ABL1: variants seen among roughly 807,000 people sequenced by gnomAD.
The protein encoded by ABL1 is ABL proto-oncogene 1, non-receptor tyrosine kinase.
In ABL1, 11 loss-of-function variants were observed where a neutral mutation model predicts 94.7. That is an observed-to-expected ratio of 0.12 (90% CI 0.07 to 0.19). ABL1 has a LOEUF of 0.19. Among genes scored for constraint, ABL1 ranks in the 10% least tolerant of loss-of-function variants. The probability of loss-of-function intolerance (pLI) is 1.00; values close to 1 mark genes in which losing one functional copy is unlikely to be tolerated. For missense variants in ABL1, 1,082 were observed against 1,489.4 expected (o/e 0.73, Z 4.50); for synonymous variants, 656 against 622.4 (o/e 1.05, Z -0.80).
chr9:130,830,404 G>C (rs1267005829), upstream of ABL1, among the ~76,000 whole-genome samples: 1 of 152,132 alleles, frequency 6.6e-6, no homozygotes, highest in African/African-American at 2.4e-5. Context: ...AAGATGCGGG[G>C]GTGTGGGGTT....
chr9:130,820,722 G>T (rs551736908), intron 1 of ABL1, among the ~76,000 whole-genome samples: 1 of 152,216 alleles, frequency 6.6e-6, no homozygotes, highest in South Asian at 2.1e-4. Context: ...CCCTCACTGG[G>T]TGCATTTCTA....
chr9:130,879,007 A>C (rs1176295134), intron 8 of ABL1, among the ~76,000 whole-genome samples: 1 of 151,512 alleles, frequency 6.6e-6, no homozygotes, highest in East Asian at 1.9e-4. Context: ...CCTCCCAAGT[A>C]GCTGGGATTA....
chr9:130,724,228 C>A (rs551886619), intron 1 of ABL1, among the ~76,000 whole-genome samples: 1 of 152,246 alleles, frequency 6.6e-6, no homozygotes, highest in Admixed American at 6.5e-5. Context: ...CTTGTGAATG[C>A]AGGTTTCATC....
chr9:130,771,964 G>T (rs964949148), intron 1 of ABL1, among the ~76,000 whole-genome samples: 11 of 152,068 alleles, frequency 7.2e-5, no homozygotes, highest in African/African-American at 2.7e-4. Flanking sequence ...ATGTTGACCA[G>T]GCTGGTCTCA....
Position 130,854,222 on chromosome 9 carries a change from C to T in ABL1, c.238C>T (p.Leu80=), listed in dbSNP as rs1830936418. ...TTTTGTGGCCAGTGGAGATAACACT[C>T]TAAGCATAACTAAAGGTAAAAGGGT... is the stretch of plus-strand genomic sequence containing the variant. ...YDFVASGDNT[L]SITKGEKLRV... Residue 80 remains leucine, a synonymous_variant, in exon 2 of 11, where the codon CTA becomes TTA. Coordinates refer to ENST00000318560, the MANE Select transcript of ABL1 (RefSeq NM_005157.6). 6.2e-7 allele frequency: 1 copy of T among 1,613,728 alleles called. No homozygotes were observed. The highest frequency in any genetic ancestry group is 1.7e-5 in the Admixed American group (1 of 59,902).
Position 130,820,973 on chromosome 9 carries a change from A to G in ABL1, c.137-33091A>G, listed in dbSNP as rs372207711. 1.6e-4 allele frequency among the ~76,000 whole-genome samples: 24 copies of G among 151,932 alleles called. No individual in the cohort carries two copies. The South Asian group carries it at 4.8e-3, about 30-fold the overall frequency. On this transcript the variant is annotated intron_variant, in intron 1 of 10. Transcript: ENST00000372348. Reference sequence around the variant, plus strand: ...GAGACAGAGTCTCACTCTGTCACTCAAGCTGGAGTGCAGTGGTGCAATCTC... The same window carrying G: ...GAGACAGAGTCTCACTCTGTCACTCGAGCTGGAGTGCAGTGGTGCAATCTC...
intron 4 of ABL1, among the ~76,000 whole-genome samples, chr9:130,868,444 C>T (rs1161360095): frequency 6.6e-6 from 1 of 152,062 alleles, no homozygotes. Flanking sequence ...GGGAGGGGGT[C>T]CCTGCTGAGA....
intron 1 of ABL1, among the ~76,000 whole-genome samples, chr9:130,847,949 A>T (rs892832059): frequency 6.6e-6 from 1 of 152,190 alleles, no homozygotes; most frequent in Admixed American, 6.5e-5. Context: ...TTTCCAGGCC[A>T]CTTCCCCGAT....
rs35889369 is a variant in ABL1, at chr9:130,880,843, A to G, written c.1678+179A>G. Among the ~76,000 whole-genome samples the G allele has an allele frequency of 4.0e-3, 604 of 152,322 alleles. 7 individuals carry two copies. Among genetic ancestry groups the G allele is most frequent in the African/African-American group, 0.014 (586 of 41,570 alleles). On this transcript the variant is annotated intron_variant, in intron 10 of 10. Transcript: ENST00000318560. This position sits in a 1 kb window ranked among gnomAD's most constrained non-coding sequence, Gnocchi z 4.4. Reference sequence around the variant, plus strand: ...GTTCTCCTCTCCCCACCTGCCTCCTATCCCCTCCCTCTGAGAGTCCCCGAG... The same window carrying G: ...GTTCTCCTCTCCCCACCTGCCTCCTGTCCCCTCCCTCTGAGAGTCCCCGAG...
intron 1 of ABL1, among the ~76,000 whole-genome samples, chr9:130,739,465 ATTAT>A (rs1339630216): frequency 5.3e-5 from 8 of 151,984 alleles, no homozygotes; most frequent in South Asian, 2.1e-4. Flanking sequence ...TTTAAGCTTT[ATTAT>A]TTATTATAAA....
intron 1 of ABL1, among the ~76,000 whole-genome samples, chr9:130,776,972 G>A (rs1472921529): frequency 3.9e-5 from 6 of 151,922 alleles, no homozygotes; most frequent in Non-Finnish European, 7.4e-5. Flanking sequence ...CTTTCCTTGA[G>A]TATTTTTCAC....
chr9:130,798,585 G>C (rs1006017491), intron 1 of ABL1, among the ~76,000 whole-genome samples: 17 of 152,124 alleles, frequency 1.1e-4, no homozygotes, highest in African/African-American at 4.1e-4. Context: ...TAAAGCACCT[G>C]TACCTTAGTA....
At chr9:130,722,761 G>T (rs1482850965) in intron 1 of ABL1, among the ~76,000 whole-genome samples, 1 of 152,120 alleles carries the variant, frequency 6.6e-6, no homozygotes, top group African/African-American at 2.4e-5. Context: ...TAAGAAATTT[G>T]TAATATAGAA....
At position 130,823,557 on chromosome 9, in the gene ABL1, T is replaced by G. The variant is rs574443667; in HGVS notation, c.137-30507T>G. Among the ~76,000 whole-genome samples the G allele has an allele frequency of 3.3e-5, 5 of 152,216 alleles. No homozygotes were observed. The East Asian group carries it at 9.7e-4, about 29-fold the overall frequency. ...GGGTCAGACACCTCCTGTCCCTTAC[T>G]CTGTAAGGCACAGCTTCTACCTCAG... On this transcript the variant is annotated intron_variant, in intron 1 of 10. Transcript: ENST00000372348.
chr9:130,773,344 T>C, intron 1 of ABL1, among the ~76,000 whole-genome samples: 1 of 152,102 alleles, frequency 6.6e-6, no homozygotes, highest in East Asian at 1.9e-4. Context: ...ATTTAAAAAA[T>C]AAATAAAAAA....
At chr9:130,760,642 G>A (rs1832099281) in intron 1 of ABL1, among the ~76,000 whole-genome samples, 1 of 151,896 alleles carries the variant, frequency 6.6e-6, no homozygotes, top group East Asian at 1.9e-4. Flanking sequence ...AAACTTTTTG[G>A]GAGACTAGAT....
intron 1 of ABL1, among the ~76,000 whole-genome samples, chr9:130,789,717 G>A (rs1160264957): frequency 2.6e-5 from 4 of 152,088 alleles, no homozygotes; most frequent in Non-Finnish European, 5.9e-5. Flanking sequence ...AAAACAACCA[G>A]GCAGTTTTAT....
At chr9:130,786,105 T>C (rs1355930600) in intron 1 of ABL1, among the ~76,000 whole-genome samples, 1 of 152,086 alleles carries the variant, frequency 6.6e-6, no homozygotes, top group Non-Finnish European at 1.5e-5. Flanking sequence ...GGAAGCACCA[T>C]CCACAGGGCA....
At chr9:130,782,393 A>G (rs763824678) in intron 1 of ABL1, among the ~76,000 whole-genome samples, 1 of 152,184 alleles carries the variant, frequency 6.6e-6, no homozygotes, top group Admixed American at 6.5e-5. Flanking sequence ...TTTGAAAAAG[A>G]TAGGCTGTGA....
Sources: gnomAD v4.1 joint callset for allele counts (sites outside exome capture counted in the v4.1 genomes callset) on GRCh38, gnomAD v4.1.1 for gene constraint, Gnocchi (gnomAD v3.1) non-coding constraint, MANE v1.5 for transcripts, NCBI Gene and HGNC (gene_info 2026-07-23, HGNC 2026-07-21) for gene names.